Variants in CDKN2A observed in about 807,000 individuals in gnomAD.
CDKN2A encodes the protein cyclin dependent kinase inhibitor 2A, also known as cyclin-dependent kinase inhibitor 2A.
A neutral mutation model predicts 11.1 loss-of-function variants in CDKN2A; 3 were observed. The ratio of observed to expected loss-of-function variants is 0.27; its 90% confidence interval spans 0.12 to 0.70. CDKN2A has a LOEUF of 0.70. Ranked by LOEUF, CDKN2A falls within the 30% of genes least tolerant of loss-of-function variation. The pLI, the probability that CDKN2A is intolerant of heterozygous loss-of-function variation, is 0.77. For missense variants in CDKN2A, 265 were observed against 233.6 expected, an observed-to-expected ratio of 1.13 and a Z score of -0.88; for synonymous variants, 122 against 108.1, an observed-to-expected ratio of 1.13 and a Z score of -0.80.
chr9:21,968,451 G>C lies in CDKN2A; in HGVS notation c.458-209C>G. ...GTCCACTGCCCGCCTGGCTGCTCCA[G>C]GCGCGCCGACCGCTCAAGCGCTCCA... On this transcript the variant is annotated intron_variant, in intron 2 of 2. Coordinates refer to ENST00000304494, the MANE Select transcript of CDKN2A (RefSeq NM_000077.5). The surrounding 1 kb of genome is among the most constrained non-coding windows in gnomAD (Gnocchi z 4.7). 1.3e-6 allele frequency: 2 copies of C among 1,489,106 alleles called. No homozygotes were observed. The highest frequency in any genetic ancestry group is 2.7e-5 in the South Asian group (2 of 74,916). 92.2% of individuals were successfully genotyped at this position (1,489,106 alleles called of 1,614,324 possible). A position where few individuals can be genotyped will look rare whatever the true frequency, so the allele number is the denominator to read the frequency against.
intron 2 of CDKN2A, among the ~76,000 whole-genome samples, chr9:21,981,442 G>A (rs1820196250): frequency 6.6e-6 from 1 of 151,826 alleles, no homozygotes. Flanking sequence ...GAGCTCCCAG[G>A]TACAGCTGTG....
In CDKN2A at chr9:21,970,917, C is replaced by T. The variant is rs3731249; in HGVS notation, c.442G>A (p.Ala148Thr). 0.024 allele frequency: 39,384 copies of T among 1,612,214 alleles called. 600 individuals carry two copies. Among genetic ancestry groups the T allele is most frequent in the Middle Eastern group, 0.031 (178 of 5,652 alleles). ...RGSNHARIDA[A>T]EGPSDIPD ...CAGTCCTCACCTGAGGGACCTTCCG[C>T]GGCATCTATGCGGGCATGGTTACTG... The change falls in exon 2 of 3, where the codon GCG becomes ACG. Residue 148 changes from alanine to threonine, a missense_variant. By Grantham distance (58) the Ala-to-Thr change is moderately conservative (BLOSUM62 0). Coordinates refer to ENST00000304494, the MANE Select transcript of CDKN2A (RefSeq NM_000077.5).
rs1819530385 is a variant in CDKN2A at position 21,968,675 on chromosome 9, C to CA, written c.458-434dup. 1 of 1,535,746 alleles carries CA rather than the reference C, an allele frequency of 6.5e-7. No homozygotes were observed. Among genetic ancestry groups the CA allele is most frequent in the African/African-American group, 1.4e-5 (1 of 73,042 alleles). On this transcript the variant is annotated intron_variant, in intron 2 of 2. Coordinates refer to ENST00000304494, the MANE Select transcript of CDKN2A (RefSeq NM_000077.5). This position sits in a 1 kb window ranked among gnomAD's most constrained non-coding sequence, Gnocchi z 4.7. ...AGTGAGCCAGCCAGCTTGCGATAAC[C>CA]AAAGGGCGCCTCAGGCTCTGGCGCT...
rs1203554030 is a variant in CDKN2A at position 21,980,972 on chromosome 9, G to GTA, written c.-3-9766_-3-9765dup. Among the ~76,000 whole-genome samples the GTA allele has an allele frequency of 3.1e-4, 3 of 9,542 alleles. 1 individual carries two copies. Among genetic ancestry groups the GTA allele is most frequent in the Non-Finnish European group, 9.5e-4 (3 of 3,174 alleles). 6.3% of individuals were successfully genotyped at this position (9,542 alleles called of 152,430 possible). ...AGACTCCGTCTCAAAAAAAAAAAAT[G>GTA]TATATATATATATACACGTATATAT... On this transcript the variant is annotated intron_variant, in intron 2 of 3. Coordinates refer to the CDKN2A transcript ENST00000494262.
intron 2 of CDKN2A, among the ~76,000 whole-genome samples, chr9:21,989,007 C>T (rs1014984259): frequency 6.6e-6 from 1 of 152,172 alleles, no homozygotes; most frequent in Non-Finnish European, 1.5e-5. Flanking sequence ...TCTAGCAATA[C>T]TATTGGTTTT....
At position 21,991,929 on chromosome 9, in the gene CDKN2A, G is replaced by A. The variant is rs1820439546; in HGVS notation, c.-4+1953C>T. 1 of 984,318 alleles carries A rather than the reference G, an allele frequency of 1.0e-6. No homozygotes were observed. The highest frequency in any genetic ancestry group is 1.7e-5 in the African/African-American group (1 of 57,156). The allele number at this position is 984,318 out of a possible 1,614,324, so 61.0% of individuals were successfully genotyped here. ...GCTATTAAAGAAAAAAATAACCTGA[G>A]CCTTCTGAAGTAGCTATAAACAAAT... On this transcript the variant is annotated intron_variant, in intron 2 of 3. Transcript: ENST00000494262. This position sits in a 1 kb window ranked among gnomAD's most constrained non-coding sequence, Gnocchi z 5.2.
At chr9:21,989,936 C>T (rs1820385652) in intron 2 of CDKN2A, 1 of 152,312 alleles carries the variant, frequency 6.6e-6, no homozygotes, top group Admixed American at 6.5e-5. Context: ...CCAGTTAAGC[C>T]TCTGGGATCC....
rs1195554492 is a variant in CDKN2A at position 21,967,836 on chromosome 9, A to G, written c.*393T>C. Reference sequence around the variant, plus strand: ...GCAGTGTGACTCAAGAGAAGCCAGTAACCCCCCTGAGCTTCCCTAGTTCAC... The same window carrying G: ...GCAGTGTGACTCAAGAGAAGCCAGTGACCCCCCTGAGCTTCCCTAGTTCAC... On this transcript the variant is annotated 3_prime_UTR_variant, in exon 3 of 3. Coordinates refer to ENST00000304494, the MANE Select transcript of CDKN2A (RefSeq NM_000077.5). 1 of 321,066 alleles carries G rather than the reference A, an allele frequency of 3.1e-6. No homozygotes were observed. Among genetic ancestry groups the G allele is most frequent in the Non-Finnish European group, 5.8e-6 (1 of 172,688 alleles). 19.9% of individuals were successfully genotyped at this position (321,066 alleles called of 1,614,324 possible).
chr9:21,980,606 A>G (rs1005539578), intron 2 of CDKN2A, among the ~76,000 whole-genome samples: 3 of 152,154 alleles, frequency 2.0e-5, no homozygotes, highest in East Asian at 3.9e-4. Context: ...AAAGTTGTCA[A>G]TATTAATTAA....
rs1391368346 is a variant in CDKN2A, at chr9:21,995,264, C to G, written c.-619G>C. On this transcript the variant is annotated 5_prime_UTR_variant, in exon 1 of 4. Coordinates refer to the CDKN2A transcript ENST00000494262. The surrounding 1 kb of genome is among the most constrained non-coding windows in gnomAD (Gnocchi z 5.7). ...CGCCTGGCTGGGACAAGCACCGAGT[C>G]CTTTGTGTCTAGCCCATTTTTATTT... The G allele has an allele frequency of 6.6e-6, 1 of 152,276 alleles. No individual in the cohort carries two copies. The highest frequency in any genetic ancestry group is 1.5e-5 in the Non-Finnish European group (1 of 68,076). 9.4% of individuals were successfully genotyped at this position (152,276 alleles called of 1,614,324 possible).
intron 1 of CDKN2A, chr9:21,994,808 G>C (rs1304611472): frequency 5.7e-6 from 1 of 173,956 alleles, no homozygotes; most frequent in Admixed American, 6.4e-5. Flanking sequence ...TCCGTCACCT[G>C]ACACGGCCCT....
intron 2 of CDKN2A, chr9:21,989,835 C>G (rs1484197852): frequency 6.6e-6 from 1 of 152,254 alleles, no homozygotes; most frequent in Non-Finnish European, 1.5e-5. Flanking sequence ...GTTATGATAA[C>G]GGATCACATC....
rs199907548 is a variant in CDKN2A at position 21,974,682 on chromosome 9, A to C, written c.146T>G (p.Ile49Ser). Residue 49 changes from isoleucine to serine, a missense_variant, in exon 1 of 3, where the codon ATC becomes AGC. By Grantham distance (142) the Ile-to-Ser change is moderately radical. Coordinates refer to ENST00000304494, the MANE Select transcript of CDKN2A (RefSeq NM_000077.5). The surrounding 1 kb of genome is among the most constrained non-coding windows in gnomAD (Gnocchi z 5.2). ...CGCTGCAGACCCTCTACCCACCTGGATCGGCCTCCGACCGTAACTATTCGG... is the reference window on the plus strand; with the variant it reads ...CGCTGCAGACCCTCTACCCACCTGGCTCGGCCTCCGACCGTAACTATTCGG... ...NAPNSYGRRP[I>S]QVMMMGSARV... The C allele has an allele frequency of 1.2e-6, 2 of 1,613,956 alleles. No homozygotes were observed. Among genetic ancestry groups the C allele is most frequent in the Non-Finnish European group, 8.5e-7 (1 of 1,180,020 alleles).
At chr9:21,993,129 G>C (rs1192272016) in intron 2 of CDKN2A, among the ~76,000 whole-genome samples, 1 of 152,152 alleles carries the variant, frequency 6.6e-6, no homozygotes, top group Non-Finnish European at 1.5e-5. Flanking sequence ...GCTGGCCTTT[G>C]CTTTTTGAAG....
rs745612549 is a variant in CDKN2A, at chr9:21,974,790, G to T, written c.38C>A (p.Ala13Asp). 2 of 1,607,460 alleles carry T rather than the reference G, an allele frequency of 1.2e-6. No individual in the cohort carries two copies. Among genetic ancestry groups the T allele is most frequent in the East Asian group, 4.5e-5 (2 of 44,838 alleles). Residue 13 changes from alanine to aspartate, a missense_variant, in exon 1 of 3, where the codon GCT becomes GAT. Transcript: ENST00000304494. The surrounding 1 kb of genome is among the most constrained non-coding windows in gnomAD (Gnocchi z 5.2). Reference sequence around the variant, plus strand: ...GGCCGCGGCCGTGGCCAGCCAGTCAGCCGAAGGCTCCATGCTGCTCCCCGC... The same window carrying T: ...GGCCGCGGCCGTGGCCAGCCAGTCATCCGAAGGCTCCATGCTGCTCCCCGC... Reference protein sequence around the residue: ...PAAGSSMEPSADWLATAAARG... With the variant: ...PAAGSSMEPSDDWLATAAARG...
In CDKN2A at chr9:21,968,190, C is replaced by G. The variant is rs896276714; in HGVS notation, c.*39G>C. 3 of 1,602,958 alleles carry G rather than the reference C, an allele frequency of 1.9e-6. No individual in the cohort carries two copies. Among genetic ancestry groups the G allele is most frequent in the African/African-American group, 2.7e-5 (2 of 74,546 alleles). ...TGTAGGACCTTCGGTGACTGATGAT[C>G]TAAGTTTCCCGAGGTTTCTCAGAGC... On this transcript the variant is annotated 3_prime_UTR_variant, in exon 3 of 3. Coordinates refer to ENST00000304494, the MANE Select transcript of CDKN2A (RefSeq NM_000077.5). This position sits in a 1 kb window ranked among gnomAD's most constrained non-coding sequence, Gnocchi z 4.7.
chr9:21,970,176 A>T (rs1819639236), intron 2 of CDKN2A: 1 of 245,090 alleles, frequency 4.1e-6, no homozygotes, highest in South Asian at 1.8e-4. Context: ...ATGGGGGCGG[A>T]GGGAGGATGC....
chr9:21,985,952 G>A (rs1390253480), intron 2 of CDKN2A, among the ~76,000 whole-genome samples: 1 of 151,942 alleles, frequency 6.6e-6, no homozygotes, highest in African/African-American at 2.4e-5. Context: ...AAAAACTAAT[G>A]TGCTTTCTTA....
At position 21,968,471 on chromosome 9, in the gene CDKN2A, G is replaced by C. The variant is rs1275218666; in HGVS notation, c.458-229C>G. 1 of 1,468,766 alleles carries C rather than the reference G, an allele frequency of 6.8e-7. No homozygotes were observed. The highest frequency in any genetic ancestry group is 2.5e-5 in the East Asian group (1 of 40,434). 91.0% of individuals were successfully genotyped at this position (1,468,766 alleles called of 1,614,324 possible). A position where few individuals can be genotyped will look rare whatever the true frequency, so the allele number is the denominator to read the frequency against. On this transcript the variant is annotated intron_variant, in intron 2 of 2. Coordinates refer to ENST00000304494, the MANE Select transcript of CDKN2A (RefSeq NM_000077.5). This position sits in a 1 kb window ranked among gnomAD's most constrained non-coding sequence, Gnocchi z 4.7. The stretch of plus-strand genomic sequence containing the variant: ...CTCCAGGCGCGCCGACCGCTCAAGC[G>C]CTCCAGGTCCACCCGGCGGAGGGCA...
Sources: gnomAD v4.1 joint callset for allele counts (sites outside exome capture counted in the v4.1 genomes callset) on GRCh38, gnomAD v4.1.1 for gene constraint, Gnocchi (gnomAD v3.1) non-coding constraint, MANE v1.5 for transcripts, NCBI Gene and HGNC (gene_info 2026-07-23, HGNC 2026-07-21) for gene names.